CRISPLD2: variants seen among roughly 807,000 people sequenced by gnomAD.
The protein encoded by CRISPLD2 is cysteine rich secretory protein LCCL domain containing 2, also known as cysteine-rich secretory protein LCCL domain-containing 2.
Under a neutral mutation model 71.1 loss-of-function variants are expected in CRISPLD2, and 47 were observed. The observed-to-expected ratio is 0.66, with a 90% CI of 0.52 to 0.84. The LOEUF is 0.84. Among genes scored for constraint, CRISPLD2 ranks in the 40% least tolerant of loss-of-function variants. The pLI is 0.00. For missense variants in CRISPLD2, 830 were observed against 651.1 expected, an observed-to-expected ratio of 1.27 and a Z score of -2.99; for synonymous variants, 317 against 250.1, an observed-to-expected ratio of 1.27 and a Z score of -2.52.
At chr16:84,890,071 G>C (rs561712398) in intron 14 of CRISPLD2, among the ~76,000 whole-genome samples, 17 of 152,262 alleles carry the variant, frequency 1.1e-4, no homozygotes, top group African/African-American at 4.1e-4. Flanking sequence ...AGTAAGAAGT[G>C]GCAGTGGCTG....
rs76846799 is a variant in CRISPLD2 at position 84,843,126 on chromosome 16, C to T, written c.241-2660C>T. On this transcript the variant is annotated intron_variant, in intron 2 of 14. Coordinates refer to ENST00000262424, the MANE Select transcript of CRISPLD2 (RefSeq NM_031476.4). ...ACTTGGTGATGTTTCAGGATTGGAG[C>T]TGGGATCTGGGTCCTTTGGTCTAAA... 7.1e-3 allele frequency among the ~76,000 whole-genome samples: 1,077 copies of T among 152,280 alleles called. 36 individuals carry two copies. Among genetic ancestry groups the T allele is most frequent in the Admixed American group, 0.061 (939 of 15,298 alleles).
intron 2 of CRISPLD2, among the ~76,000 whole-genome samples, chr16:84,843,486 G>A (rs558811177): frequency 6.6e-6 from 1 of 152,332 alleles, no homozygotes; most frequent in Non-Finnish European, 1.5e-5. Context: ...TCTGGAGCCA[G>A]CCTGCCTCCG....
intron 2 of CRISPLD2, among the ~76,000 whole-genome samples, chr16:84,842,691 C>T (rs574018875): frequency 6.6e-6 from 1 of 152,184 alleles, no homozygotes; most frequent in Non-Finnish European, 1.5e-5. Flanking sequence ...TTCTTTTTCG[C>T]CGCCAATTTC....
intron 6 of CRISPLD2, among the ~76,000 whole-genome samples, chr16:84,864,366 G>T (rs1042374572): frequency 1.3e-5 from 2 of 152,140 alleles, no homozygotes; most frequent in African/African-American, 2.4e-5. Flanking sequence ...GCTTTAGACC[G>T]CTTTACCAAA....
At chr16:84,892,973 C>G (rs1347804025) in intron 14 of CRISPLD2, among the ~76,000 whole-genome samples, 1 of 91,522 alleles carries the variant, frequency 1.1e-5, no homozygotes, top group African/African-American at 6.0e-5. Context: ...GAGACTCCAT[C>G]TCAAAAAAAA....
At chr16:84,893,643 G>C (rs1597483864) in intron 14 of CRISPLD2, among the ~76,000 whole-genome samples, 1 of 152,214 alleles carries the variant, frequency 6.6e-6, no homozygotes, top group South Asian at 2.1e-4. Context: ...CTGTTGTGGA[G>C]GGACAGTTCA....
intron 6 of CRISPLD2, among the ~76,000 whole-genome samples, chr16:84,866,555 T>G (rs976840017): frequency 6.6e-6 from 1 of 152,128 alleles, no homozygotes; most frequent in African/African-American, 2.4e-5. Context: ...TTCTTGAAGT[T>G]GCTTCGTGGG....
intron 14 of CRISPLD2, among the ~76,000 whole-genome samples, chr16:84,901,468 CT>C (rs564314509): frequency 0.019 from 2,319 of 119,042 alleles, 44 homozygotes; most frequent in African/African-American, 0.061. Context: ...CCTGGCTGCA[CT>C]TTTTTTTTTT....
chr16:84,849,972 C>T (rs1917038238), intron 4 of CRISPLD2, among the ~76,000 whole-genome samples: 1 of 151,964 alleles, frequency 6.6e-6, no homozygotes, highest in Non-Finnish European at 1.5e-5. Flanking sequence ...GCAATCCTCC[C>T]CGCTCAGCTT....
intron 1 of CRISPLD2, among the ~76,000 whole-genome samples, chr16:84,833,079 C>T (rs1467725209): frequency 2.0e-5 from 3 of 152,228 alleles, no homozygotes; most frequent in Non-Finnish European, 4.4e-5. Context: ...ACTAGCCACA[C>T]AGTCTCCTAA....
At chr16:84,859,833 G>C (rs1917334984) in intron 6 of CRISPLD2, among the ~76,000 whole-genome samples, 1 of 152,204 alleles carries the variant, frequency 6.6e-6, no homozygotes, top group South Asian at 2.1e-4. Context: ...TGATGGTTGA[G>C]TGCTGCCACT....
chr16:84,860,765 C>T lies in CRISPLD2; in HGVS notation c.709+5936C>T, dbSNP rs143972681. 3.0e-3 allele frequency among the ~76,000 whole-genome samples: 462 copies of T among 152,296 alleles called. 2 individuals are homozygous for T. The highest frequency in any genetic ancestry group is 5.0e-3 in the Non-Finnish European group (338 of 68,020). ...CTCACTTTAATAAGTAGACACCTAG[C>T]GAGGTGTCTGTGCATGCACCTTCAT... On this transcript the variant is annotated intron_variant, in intron 6 of 14. Coordinates refer to ENST00000262424, the MANE Select transcript of CRISPLD2 (RefSeq NM_031476.4).
intron 6 of CRISPLD2, among the ~76,000 whole-genome samples, chr16:84,865,666 A>T (rs948442436): frequency 6.6e-6 from 1 of 152,150 alleles, no homozygotes; most frequent in African/African-American, 2.4e-5. Flanking sequence ...CCCAGCAGAT[A>T]TGCTCGTGAA....
intron 11 of CRISPLD2, among the ~76,000 whole-genome samples, chr16:84,875,817 G>A (rs1207732573): frequency 1.3e-5 from 2 of 151,332 alleles, no homozygotes; most frequent in East Asian, 2.0e-4. Flanking sequence ...CCACCCGCCT[G>A]GGCCTCCCCA....
At chr16:84,905,222 A>G (rs530093037) in intron 14 of CRISPLD2, among the ~76,000 whole-genome samples, 4 of 152,324 alleles carry the variant, frequency 2.6e-5, no homozygotes, top group Admixed American at 1.3e-4. Flanking sequence ...AGCCACGATC[A>G]TGCCACTGCA....
intron 1 of CRISPLD2, among the ~76,000 whole-genome samples, chr16:84,836,850 G>C (rs557037726): frequency 6.6e-6 from 1 of 152,160 alleles, no homozygotes; most frequent in African/African-American, 2.4e-5. Flanking sequence ...ACTGAGCCCC[G>C]TGGAGTTCCG....
intron 12 of CRISPLD2, among the ~76,000 whole-genome samples, chr16:84,879,664 CT>C (rs879676500): frequency 2.3e-3 from 334 of 145,976 alleles, no homozygotes; most frequent in Admixed American, 2.3e-3. Flanking sequence ...ACCTGGCCTT[CT>C]TTTTTTTTTT....
chr16:84,895,022 C>T (rs1485619408), intron 14 of CRISPLD2, among the ~76,000 whole-genome samples: 1 of 152,222 alleles, frequency 6.6e-6, no homozygotes, highest in African/African-American at 2.4e-5. Flanking sequence ...ACATGAGGTT[C>T]TCTGTGCTCT....
At chr16:84,850,791 A>G in intron 5 of CRISPLD2, 108 bp downstream of exon 5, 2 of 783,750 alleles carry the variant, frequency 2.6e-6, no homozygotes, top group East Asian at 2.5e-5. Context: ...AATATCTCAC[A>G]TAACAAAGAA....
Sources: gnomAD v4.1 joint callset for allele counts (sites outside exome capture counted in the v4.1 genomes callset) on GRCh38, gnomAD v4.1.1 for gene constraint, MANE v1.5 for transcripts, NCBI Gene and HGNC (gene_info 2026-07-23, HGNC 2026-07-21) for gene names.